Variants in DMD observed in about 807,000 individuals in gnomAD.
The protein encoded by DMD is mutant dystrophin.
A neutral mutation model predicts 330.1 loss-of-function variants in DMD; 63 were observed. The ratio of observed to expected loss-of-function variants is 0.19; its 90% CI spans 0.16 to 0.24. The LOEUF is 0.24. Among genes scored for constraint, DMD ranks in the 10% least tolerant of loss-of-function variants. DMD has a pLI of 1.00. For missense variants in DMD, 3,344 were observed against 2,684.1 expected, an observed-to-expected ratio of 1.25 and a Z score of -5.43; for synonymous variants, 1,223 against 959.8, an observed-to-expected ratio of 1.27 and a Z score of -5.07.
At chrX:31,126,199 CA>C (rs1358632071) in intron 78 of DMD, among the ~76,000 whole-genome samples, 1 of 111,771 alleles carries the variant, frequency 8.9e-6, no homozygotes, top group Non-Finnish European at 1.9e-5. Flanking sequence ...AAAAAGGAAA[CA>C]AAAGCAAAAT....
At chrX:31,611,207 C>T (rs2077898498) in intron 55 of DMD, among the ~76,000 whole-genome samples, 1 of 109,810 alleles carries the variant, frequency 9.1e-6, no homozygotes, top group Non-Finnish European at 1.9e-5. Context: ...GATTCCACGA[C>T]CCATCCCCAG....
At chrX:32,814,513 T>C (rs1396039633) in intron 6 of DMD, among the ~76,000 whole-genome samples, 1 of 111,833 alleles carries the variant, frequency 8.9e-6, no homozygotes, top group Non-Finnish European at 1.9e-5. Flanking sequence ...TTTCTTTAGA[T>C]AAAGAATATG....
chrX:32,101,350 T>C (rs2096538740), intron 44 of DMD, among the ~76,000 whole-genome samples: 1 of 111,084 alleles, frequency 9.0e-6, no homozygotes, highest in Non-Finnish European at 1.9e-5. Flanking sequence ...TCCAGCTCAA[T>C]TTAGGATTAC....
At chrX:32,409,048 CTATTT>C (rs1274655362) in intron 30 of DMD, among the ~76,000 whole-genome samples, 3 of 111,246 alleles carry the variant, frequency 2.7e-5, no homozygotes, top group Admixed American at 9.6e-5. Flanking sequence ...TTTTGACTCT[CTATTT>C]TATTTCATGG....
At chrX:32,325,528 T>C (rs1452890829) in intron 41 of DMD, among the ~76,000 whole-genome samples, 1 of 111,805 alleles carries the variant, frequency 8.9e-6, no homozygotes, top group Non-Finnish European at 1.9e-5. Flanking sequence ...TATGGAAGCA[T>C]AGACTAAGAC....
chrX:31,241,495 T>G (rs1257708189), intron 63 of DMD, among the ~76,000 whole-genome samples: 1 of 112,169 alleles, frequency 8.9e-6, no homozygotes, highest in Non-Finnish European at 1.9e-5. Flanking sequence ...AGTATGTAAT[T>G]CAATCAAATT....
Position 32,737,471 on chromosome X carries a change from C to T in DMD, c.650-38178G>A, listed in dbSNP as rs753297786. On this transcript the variant is annotated intron_variant, in intron 7 of 78. Transcript: ENST00000357033. ...GTCTTGCTCCAGGATTTCTGATGATCTTATTCCATTAAAAAAAAAGACTCC... is the reference window on the plus strand; with the variant it reads ...GTCTTGCTCCAGGATTTCTGATGATTTTATTCCATTAAAAAAAAAGACTCC... 2.7e-3 allele frequency among the ~76,000 whole-genome samples: 301 copies of T among 110,709 alleles called. 2 individuals carry two copies. The highest frequency in any genetic ancestry group is 9.5e-3 in the African/African-American group (290 of 30,473).
chrX:33,287,677 A>G (rs1006775211), intron 1 of DMD, among the ~76,000 whole-genome samples: 4 of 111,531 alleles, frequency 3.6e-5, no homozygotes, highest in Non-Finnish European at 7.5e-5. Context: ...AAAGTAAGGA[A>G]CGGTTAAAAA....
intron 17 of DMD, among the ~76,000 whole-genome samples, chrX:32,543,765 T>C (rs2048710155): frequency 8.9e-6 from 1 of 111,736 alleles, no homozygotes; most frequent in Non-Finnish European, 1.9e-5. Context: ...ATGCTAATAT[T>C]CATAGAGTTT....
intron 2 of DMD, among the ~76,000 whole-genome samples, chrX:32,912,843 A>G (rs1002746449): frequency 6.3e-5 from 7 of 111,717 alleles, no homozygotes; most frequent in African/African-American, 2.3e-4. Flanking sequence ...GCTTCAAGTT[A>G]CTGTGGAAAA....
intron 1 of DMD, among the ~76,000 whole-genome samples, chrX:33,066,461 A>AAAAAAGG (rs754870790): frequency 5.9e-5 from 5 of 84,201 alleles, no homozygotes; most frequent in Admixed American, 1.6e-4. Flanking sequence ...AAAAAAAAAA[A>AAAAAAGG]AAGGAAGGAA....
chrX:33,246,119 T>C (rs913700669), intron 1 of DMD, among the ~76,000 whole-genome samples: 1 of 112,468 alleles, frequency 8.9e-6, no homozygotes, highest in Non-Finnish European at 1.9e-5. Flanking sequence ...TTACATTTGA[T>C]AGATGCTCAA....
intron 44 of DMD, among the ~76,000 whole-genome samples, chrX:32,205,418 GCTCT>G (rs1041513180): frequency 9.3e-6 from 1 of 107,195 alleles, no homozygotes; most frequent in Non-Finnish European, 1.9e-5. Flanking sequence ...TTTTCATATC[GCTCT>G]CTCTATGAAG....
intron 7 of DMD, among the ~76,000 whole-genome samples, chrX:32,734,153 A>G (rs1333827821): frequency 1.8e-5 from 2 of 109,293 alleles, no homozygotes; most frequent in Admixed American, 9.8e-5. Flanking sequence ...CAAATAAACT[A>G]GAAAATCTAG....
At chrX:31,815,065 G>A (rs1025023154) in intron 50 of DMD, among the ~76,000 whole-genome samples, 2 of 112,311 alleles carry the variant, frequency 1.8e-5, no homozygotes, top group Admixed American at 1.9e-4. Context: ...CAGCAGAAGG[G>A]ATGAATTTAT....
intron 48 of DMD, among the ~76,000 whole-genome samples, chrX:31,858,940 A>G (rs762189047): frequency 1.8e-5 from 2 of 111,972 alleles, no homozygotes; most frequent in Non-Finnish European, 3.8e-5. Context: ...ATGGATAATC[A>G]CGCTTGTTTT....
intron 62 of DMD, among the ~76,000 whole-genome samples, chrX:31,321,607 A>AG (rs1556500802): frequency 9.0e-5 from 8 of 89,281 alleles, no homozygotes; most frequent in African/African-American, 3.5e-4. Context: ...AAAAAAAAAA[A>AG]AAAGAAAGAA....
intron 55 of DMD, among the ~76,000 whole-genome samples, chrX:31,510,319 C>T (rs965078785): frequency 6.3e-5 from 7 of 110,882 alleles, no homozygotes; most frequent in Non-Finnish European, 1.1e-4. Context: ...CCTCCACCAA[C>T]CCACTTGCCA....
chrX:32,550,254 T>A (rs977278947), intron 16 of DMD, among the ~76,000 whole-genome samples: 7 of 111,454 alleles, frequency 6.3e-5, no homozygotes, highest in Non-Finnish European at 1.1e-4. Flanking sequence ...CTTTAGAAAA[T>A]TTTTTTAAAA....
Sources: gnomAD v4.1 joint callset for allele counts (sites outside exome capture counted in the v4.1 genomes callset) on GRCh38, gnomAD v4.1.1 for gene constraint, MANE v1.5 for transcripts, NCBI Gene and HGNC (gene_info 2026-07-23, HGNC 2026-07-21) for gene names.